The following RASEF variants were observed in gnomAD, a reference collection of about 807,000 sequenced individuals.
RASEF encodes RAS and EF-hand domain containing.
RASEF carries 68 observed loss-of-function variants against 90.1 expected under a neutral mutation model. The ratio of observed to expected loss-of-function variants is 0.75; its 90% CI spans 0.62 to 0.92. The LOEUF is 0.92. Among genes scored for constraint, RASEF ranks in the 40% least tolerant of loss-of-function variants. The pLI is 0.00. For synonymous variants in RASEF, 331 were observed against 345.2 expected (o/e 0.96, Z 0.46); for missense variants, 949 against 937.2 (o/e 1.01, Z -0.16).
At chr9:83,079,475 T>C in the RASEF span, among the ~76,000 whole-genome samples, 2 of 152,148 alleles carry the variant, frequency 1.3e-5, no homozygotes, top group South Asian at 2.1e-4. Flanking sequence ...AGTCGGGTGA[T>C]ACCACACACT....
chr9:82,989,895 A>T (rs1460721424), intron 16 of RASEF, among the ~76,000 whole-genome samples: 1 of 152,234 alleles, frequency 6.6e-6, no homozygotes, highest in Admixed American at 6.5e-5. Context: ...TTCTTTAATG[A>T]TGCCATTTTC....
the RASEF span, among the ~76,000 whole-genome samples, chr9:83,085,922 C>T: frequency 6.6e-6 from 1 of 151,572 alleles, no homozygotes; most frequent in African/African-American, 2.4e-5. Context: ...AAGACTCCAT[C>T]TCCAAAAAAA....
chr9:83,129,150 T>A, the RASEF span, among the ~76,000 whole-genome samples: 1 of 152,164 alleles, frequency 6.6e-6, no homozygotes, highest in East Asian at 1.9e-4. Flanking sequence ...ACAATAAAAG[T>A]CCATCACTAA....
the RASEF span, among the ~76,000 whole-genome samples, chr9:83,079,016 TC>T: frequency 6.6e-6 from 1 of 152,218 alleles, no homozygotes; most frequent in African/African-American, 2.4e-5. Flanking sequence ...TGTTGTTTCC[TC>T]TGTTGTTAGT....
intron 6 of RASEF, 145 bp downstream of exon 6, chr9:83,009,496 T>C: frequency 1.9e-6 from 1 of 534,826 alleles, no homozygotes; most frequent in Non-Finnish European, 3.3e-6. Context: ...CTAGGAAACC[T>C]GATACTGAAA....
chr9:83,112,062 T>C, the RASEF span, among the ~76,000 whole-genome samples: 1 of 152,052 alleles, frequency 6.6e-6, no homozygotes, highest in Non-Finnish European at 1.5e-5. Flanking sequence ...TGTTCAACTT[T>C]GCTATTAAAG....
At chr9:83,114,666 T>C in the RASEF span, among the ~76,000 whole-genome samples, 1 of 152,194 alleles carries the variant, frequency 6.6e-6, no homozygotes, top group Admixed American at 6.5e-5. Flanking sequence ...CTGTCTTTTA[T>C]GGTCACAGCG....
intron 1 of RASEF, among the ~76,000 whole-genome samples, chr9:83,040,128 A>G (rs549530235): frequency 6.6e-6 from 1 of 152,216 alleles, no homozygotes; most frequent in South Asian, 2.1e-4. Context: ...CTCGCCTCCC[A>G]GCCATGTGGA....
At chr9:83,194,497 G>A in the RASEF span, among the ~76,000 whole-genome samples, 4 of 152,248 alleles carry the variant, frequency 2.6e-5, no homozygotes, top group South Asian at 4.1e-4. Context: ...TGACCACCTG[G>A]CCGCCATAGT....
chr9:83,150,691 C>G, the RASEF span, among the ~76,000 whole-genome samples: 1 of 152,106 alleles, frequency 6.6e-6, no homozygotes, highest in Non-Finnish European at 1.5e-5. Flanking sequence ...TATTAAACCT[C>G]ATAGTTTCAC....
chr9:83,206,227 A>G, the RASEF span, among the ~76,000 whole-genome samples: 1 of 152,194 alleles, frequency 6.6e-6, no homozygotes, highest in African/African-American at 2.4e-5. Flanking sequence ...AAATAAGAAT[A>G]TTTTTTCGTT....
At chr9:83,126,962 C>T in the RASEF span, among the ~76,000 whole-genome samples, 1 of 152,122 alleles carries the variant, frequency 6.6e-6, no homozygotes, top group Non-Finnish European at 1.5e-5. Flanking sequence ...ATGCTCTGGA[C>T]TGCTTTAGCA....
chr9:83,181,480 T>C, the RASEF span, among the ~76,000 whole-genome samples: 4 of 152,198 alleles, frequency 2.6e-5, no homozygotes, highest in Non-Finnish European at 4.4e-5. Flanking sequence ...GGGATGCGAT[T>C]CCCATTAGAC....
At chr9:83,046,680 T>C (rs1287300798) in intron 1 of RASEF, among the ~76,000 whole-genome samples, 1 of 152,200 alleles carries the variant, frequency 6.6e-6, no homozygotes, top group Non-Finnish European at 1.5e-5. Flanking sequence ...CATGAATTCT[T>C]CCACCTCAGC....
chr9:83,026,246 T>C (rs1466446972), intron 1 of RASEF, among the ~76,000 whole-genome samples: 1 of 152,180 alleles, frequency 6.6e-6, no homozygotes, highest in Non-Finnish European at 1.5e-5. Flanking sequence ...ATTAAATCAG[T>C]TACTTAATTC....
intron 5 of RASEF, 50 bp downstream of exon 5, chr9:83,012,384 A>G: frequency 1.1e-6 from 1 of 934,494 alleles, no homozygotes; most frequent in Non-Finnish European, 1.6e-6. Context: ...GAGCATGAGG[A>G]TGTGGTCTAA....
chr9:83,049,590 G>T (rs1286168155), intron 1 of RASEF, among the ~76,000 whole-genome samples: 1 of 125,778 alleles, frequency 8.0e-6, no homozygotes, highest in African/African-American at 3.4e-5. Context: ...TGCACATTGT[G>T]CAGGTTAGTT....
the RASEF span, among the ~76,000 whole-genome samples, chr9:83,124,875 G>A: frequency 3.3e-5 from 5 of 152,056 alleles, no homozygotes; most frequent in Non-Finnish European, 5.9e-5. Context: ...CCAAACCCAG[G>A]GGTAGTTAGA....
At chr9:83,131,766 T>C in the RASEF span, among the ~76,000 whole-genome samples, 1 of 152,170 alleles carries the variant, frequency 6.6e-6, no homozygotes, top group African/African-American at 2.4e-5. Flanking sequence ...GGGTATACTC[T>C]AAGCTATATA....
Sources: allele counts gnomAD v4.1 joint callset (sites outside exome capture counted in the v4.1 genomes callset), GRCh38; gene constraint gnomAD v4.1.1; transcripts MANE v1.5; gene names NCBI Gene and HGNC (gene_info 2026-07-23, HGNC 2026-07-21).